The following GAB1 variants were observed in gnomAD, a reference collection of about 807,000 sequenced individuals.
GAB1 encodes the protein GRB2-associated-binding protein 1.
GAB1 carries 19 observed loss-of-function variants against 66.5 expected under a neutral mutation model. The ratio of observed to expected loss-of-function variants is 0.29; its 90% CI spans 0.20 to 0.42. GAB1 has a LOEUF of 0.42. GAB1 is among the 10% of genes least tolerant of loss of function. The pLI is 1.00. For synonymous variants in GAB1, 294 were observed against 301.4 expected (o/e 0.98, Z 0.25); for missense variants, 732 against 858.5 (o/e 0.85, Z 1.84).
intron 1 of GAB1, among the ~76,000 whole-genome samples, chr4:143,375,291 T>C (rs1730365961): frequency 6.6e-6 from 1 of 152,250 alleles, no homozygotes; most frequent in South Asian, 2.1e-4. Flanking sequence ...TCTAGCTGAA[T>C]TGATCTATTT....
rs1165973158 is a variant in GAB1 at position 143,470,304 on chromosome 4, T to TA, written c.*1123dup. The TA allele has an allele frequency of 6.6e-6, 1 of 152,210 alleles. No individual in the cohort carries two copies. The highest frequency in any genetic ancestry group is 2.4e-5 in the African/African-American group (1 of 41,454). 9.4% of individuals were successfully genotyped at this position (152,210 alleles called of 1,614,324 possible). A position where few individuals can be genotyped will look rare whatever the true frequency, so the allele number is the denominator to read the frequency against. ...TTAATATTTTATATCTGCATTTTTT[T>TA]AAAAAAAATAGATGTTATATAAGTG... is the stretch of plus-strand genomic sequence containing the variant. On this transcript the variant is annotated 3_prime_UTR_variant, in exon 10 of 10. Transcript: ENST00000262994.
chr4:143,436,533 A>G (rs556081489), intron 3 of GAB1, among the ~76,000 whole-genome samples: 25 of 152,322 alleles, frequency 1.6e-4, no homozygotes, highest in South Asian at 4.1e-4. Context: ...AGTCATGTAG[A>G]TCTCAGCAGG....
At chr4:143,347,445 C>T (rs1729025135) in intron 1 of GAB1, among the ~76,000 whole-genome samples, 1 of 152,228 alleles carries the variant, frequency 6.6e-6, no homozygotes, top group African/African-American at 2.4e-5. Flanking sequence ...ATCCAACCCA[C>T]TCCTTTTACA....
At chr4:143,366,386 A>C (rs542468462) in intron 1 of GAB1, among the ~76,000 whole-genome samples, 2 of 152,320 alleles carry the variant, frequency 1.3e-5, no homozygotes, top group Non-Finnish European at 2.9e-5. Context: ...CAAACCATTT[A>C]ATTCTAGCTT....
intron 1 of GAB1, among the ~76,000 whole-genome samples, chr4:143,351,596 G>C (rs1729227649): frequency 6.6e-6 from 1 of 152,208 alleles, no homozygotes; most frequent in Admixed American, 6.5e-5. Context: ...TCCTCACCTA[G>C]GTTCGTGGGG....
At chr4:143,403,691 A>T in intron 1 of GAB1, among the ~76,000 whole-genome samples, 1 of 152,158 alleles carries the variant, frequency 6.6e-6, no homozygotes, top group East Asian at 1.9e-4. Flanking sequence ...AGAGATCTTG[A>T]TTTCATTATC....
intron 1 of GAB1, among the ~76,000 whole-genome samples, chr4:143,405,217 A>G (rs1731980873): frequency 6.6e-6 from 1 of 152,164 alleles, no homozygotes; most frequent in Admixed American, 6.5e-5. Context: ...ATACACACAA[A>G]TGTATGGATA....
intron 1 of GAB1, among the ~76,000 whole-genome samples, chr4:143,408,281 A>G (rs907825982): frequency 6.6e-6 from 1 of 152,218 alleles, no homozygotes; most frequent in Non-Finnish European, 1.5e-5. Flanking sequence ...TTAAACATAC[A>G]ATTTTTTAAA....
chr4:143,426,175 T>G (rs914211680), intron 2 of GAB1, among the ~76,000 whole-genome samples: 1 of 152,216 alleles, frequency 6.6e-6, no homozygotes, highest in Non-Finnish European at 1.5e-5. Context: ...TTGATTCATC[T>G]AGGAGTGCTC....
At chr4:143,393,067 A>C (rs1199659481) in intron 1 of GAB1, among the ~76,000 whole-genome samples, 1 of 152,080 alleles carries the variant, frequency 6.6e-6, no homozygotes, top group Non-Finnish European at 1.5e-5. Flanking sequence ...TAAGCTGCTT[A>C]CATTGAATCT....
intron 1 of GAB1, among the ~76,000 whole-genome samples, chr4:143,341,659 A>G (rs894270821): frequency 1.3e-5 from 2 of 152,236 alleles, no homozygotes; most frequent in Admixed American, 6.5e-5. Flanking sequence ...GCAGCTGTCA[A>G]TTAACAGGAC....
At chr4:143,374,449 G>T (rs745525017) in intron 1 of GAB1, among the ~76,000 whole-genome samples, 2 of 152,164 alleles carry the variant, frequency 1.3e-5, no homozygotes, top group Non-Finnish European at 2.9e-5. Context: ...GCACACTATT[G>T]TGGGAATCTT....
intron 1 of GAB1, among the ~76,000 whole-genome samples, chr4:143,342,715 G>A (rs765955021): frequency 6.6e-6 from 1 of 151,366 alleles, no homozygotes. Flanking sequence ...CTGCCACCAC[G>A]CCCGGCAAAT....
At chr4:143,452,186 C>G (rs1734964102) in intron 6 of GAB1, among the ~76,000 whole-genome samples, 1 of 152,144 alleles carries the variant, frequency 6.6e-6, no homozygotes, top group Non-Finnish European at 1.5e-5. Flanking sequence ...TCAAGTGATC[C>G]TCCTGCCTCG....
intron 2 of GAB1, among the ~76,000 whole-genome samples, chr4:143,429,011 A>T (rs750985543): frequency 1.3e-4 from 20 of 152,222 alleles, no homozygotes; most frequent in South Asian, 6.2e-4. Flanking sequence ...AAAAATAAAT[A>T]AAAAAAATCA....
At position 143,350,888 on chromosome 4, in the gene GAB1, G is replaced by A. The variant is rs1300026775; in HGVS notation, c.72+13628G>A. 3.3e-5 allele frequency among the ~76,000 whole-genome samples: 5 copies of A among 152,278 alleles called. No individual in the cohort carries two copies. The East Asian group carries it at 5.8e-4, about 18-fold the overall frequency. On this transcript the variant is annotated intron_variant, in intron 1 of 9. Transcript: ENST00000262994. The stretch of plus-strand genomic sequence containing the variant: ...GTACAGCAGTTTTTAGTAGAGGTGG[G>A]TAGGTGATTTGTCCCCTCCACGGGA...
intron 1 of GAB1, among the ~76,000 whole-genome samples, chr4:143,363,064 C>T (rs1392530392): frequency 6.6e-6 from 1 of 152,204 alleles, no homozygotes; most frequent in Non-Finnish European, 1.5e-5. Context: ...AGAGTAACTT[C>T]CCAAAATCAC....
intron 6 of GAB1, among the ~76,000 whole-genome samples, chr4:143,445,950 C>A (rs1471190367): frequency 6.6e-6 from 1 of 152,062 alleles, no homozygotes. Context: ...ACCTTCCCCC[C>A]ACCCCACAAC....
chr4:143,456,035 C>A (rs961702203), intron 6 of GAB1, among the ~76,000 whole-genome samples: 1 of 152,138 alleles, frequency 6.6e-6, no homozygotes, highest in Non-Finnish European at 1.5e-5. Context: ...GAATCTCATT[C>A]ATAAAATGAA....
Sources: allele counts gnomAD v4.1 joint callset (sites outside exome capture counted in the v4.1 genomes callset), GRCh38; gene constraint gnomAD v4.1.1; transcripts MANE v1.5; gene names NCBI Gene and HGNC (gene_info 2026-07-23, HGNC 2026-07-21).